Variants in NADK observed in about 807,000 individuals in gnomAD.
The protein encoded by NADK is poly(P)/ATP NAD kinase.
In NADK, 22 loss-of-function variants were observed where a neutral mutation model predicts 49.8. That is an observed-to-expected ratio of 0.44 (90% CI 0.32 to 0.63). NADK has a LOEUF of 0.63. NADK is among the 30% of genes least tolerant of loss of function. The probability of loss-of-function intolerance (pLI) is 0.06; values close to 1 mark genes in which losing one functional copy is unlikely to be tolerated. For missense variants in NADK, 438 were observed against 609.4 expected (o/e 0.72, Z 2.96); for synonymous variants, 268 against 253.7 (o/e 1.06, Z -0.54).
chr1:1,766,655 A>AG (rs1645897267), intron 1 of NADK, among the ~76,000 whole-genome samples: 1 of 151,538 alleles, frequency 6.6e-6, no homozygotes, highest in Non-Finnish European at 1.5e-5. Context: ...TGGTGAGGAT[A>AG]GAAAACCTCA....
chr1:1,760,321 A>AG (rs969044035), intron 3 of NADK, among the ~76,000 whole-genome samples: 6 of 152,290 alleles, frequency 3.9e-5, no homozygotes, highest in African/African-American at 1.4e-4. Flanking sequence ...TTCCATCCTA[A>AG]GGGGCTCCGT....
rs57063985 is a variant in NADK, at chr1:1,773,676, T to TTG, written c.-41+4611_-41+4612dup. On this transcript the variant is annotated intron_variant, in intron 1 of 11. Coordinates refer to ENST00000341426, the MANE Select transcript of NADK (RefSeq NM_023018.5). ...TGCTACATTACCTAGAAGCTCTATTTTGTGTGTGTGTGTGTGTGTGTGTGT... is the reference window on the plus strand; with the variant it reads ...TGCTACATTACCTAGAAGCTCTATTTTGTGTGTGTGTGTGTGTGTGTGTGTGT... Among the ~76,000 whole-genome samples, 850 of 116,708 alleles carry TTG rather than the reference T, an allele frequency of 7.3e-3. 13 individuals are homozygous for TTG. The highest frequency in any genetic ancestry group is 0.018 in the East Asian group (66 of 3,630). 76.6% of individuals were successfully genotyped at this position (116,708 alleles called of 152,430 possible).
intron 6 of NADK, chr1:1,755,906 A>ACAG: frequency 4.3e-6 from 2 of 466,056 alleles, no homozygotes; most frequent in South Asian, 5.1e-5. Context: ...GCGTGGCCCT[A>ACAG]CAGCCCCAGG....
rs1219946488 is a variant in NADK at position 1,760,044 on chromosome 1, C to T, written c.263+1908G>A. 1.0e-5 allele frequency: 9 copies of T among 894,230 alleles called. No individual in the cohort carries two copies. The East Asian group carries it at 1.1e-4, about 11-fold the overall frequency. 55.4% of individuals were successfully genotyped at this position (894,230 alleles called of 1,614,324 possible). ...GCAGTGGAGCACTCTGGGTCACCCACGTGGCTGCTGTGCAGGGAAGGGATG... is the reference window on the plus strand; with the variant it reads ...GCAGTGGAGCACTCTGGGTCACCCATGTGGCTGCTGTGCAGGGAAGGGATG... On this transcript the variant is annotated intron_variant, in intron 3 of 11. Transcript: ENST00000341426.
intron 1 of NADK, among the ~76,000 whole-genome samples, chr1:1,766,195 C>G (rs754318516): frequency 6.6e-6 from 1 of 151,770 alleles, no homozygotes; most frequent in Non-Finnish European, 1.5e-5. Context: ...CACCTGAGGT[C>G]GGGAGTTTGA....
intron 1 of NADK, among the ~76,000 whole-genome samples, chr1:1,769,554 A>AAAAAAAC (rs1257121676): frequency 5.9e-5 from 9 of 151,982 alleles, no homozygotes; most frequent in Non-Finnish European, 1.0e-4. Flanking sequence ...CCGTCTCAAA[A>AAAAAAAC]AAAAAACAAA....
chr1:1,758,991 C>G (rs1180399322), intron 3 of NADK: 2 of 1,353,750 alleles, frequency 1.5e-6, no homozygotes, highest in East Asian at 5.4e-5. Context: ...CTGCTTGGCT[C>G]CGGCCCAAGG....
chr1:1,759,291 C>CT, intron 3 of NADK: 1 of 1,505,492 alleles, frequency 6.6e-7, no homozygotes, highest in Non-Finnish European at 8.9e-7. Flanking sequence ...GCTGTGGGTA[C>CT]TGCACGGAGA....
chr1:1,753,952 C>T, intron 10 of NADK, 99 bp downstream of exon 10: 1 of 1,440,694 alleles, frequency 6.9e-7, no homozygotes, highest in Non-Finnish European at 9.3e-7. Flanking sequence ...GCGTCTGAGG[C>T]TGGAGCCAGC....
At chr1:1,760,619 C>T (rs2100319943) in intron 3 of NADK, among the ~76,000 whole-genome samples, 1 of 152,230 alleles carries the variant, frequency 6.6e-6, no homozygotes, top group East Asian at 1.9e-4. Context: ...ACACTCGGCC[C>T]TTCCGCATGG....
At chr1:1,762,132 T>A (rs189064763) in intron 2 of NADK, 97 bp from the exon 3 acceptor site, 30 of 1,052,682 alleles carry the variant, frequency 2.8e-5, no homozygotes, top group Non-Finnish European at 4.3e-5. Context: ...AAGGCATACA[T>A]GCAATTTGAA....
chr1:1,758,409 C>T (rs759462884), intron 3 of NADK: 12 of 1,611,722 alleles, frequency 7.4e-6, no homozygotes, highest in South Asian at 2.2e-5. Context: ...TCATGCCATC[C>T]CCTATGAGCT....
chr1:1,760,011 C>T, intron 3 of NADK: 1 of 1,240,790 alleles, frequency 8.1e-7, no homozygotes, highest in South Asian at 1.4e-5. Context: ...CACGGCGGGG[C>T]CGGGAGGGCA....
At chr1:1,758,987 G>T (rs903208259) in intron 3 of NADK, 16 of 1,324,982 alleles carry the variant, frequency 1.2e-5, no homozygotes, top group African/African-American at 1.5e-5. Context: ...CACTCTGCTT[G>T]GCTCCGGCCC....
chr1:1,760,635 C>T (rs555393425), intron 3 of NADK, among the ~76,000 whole-genome samples: 1 of 152,132 alleles, frequency 6.6e-6, no homozygotes, highest in African/African-American at 2.4e-5. Flanking sequence ...CATGGTCCTC[C>T]CTTGCAGAAA....
intron 3 of NADK, among the ~76,000 whole-genome samples, chr1:1,761,331 G>A (rs1366008213): frequency 6.6e-6 from 1 of 152,092 alleles, no homozygotes. Context: ...TCACCATGTT[G>A]CCCGGGCTGG....
chr1:1,758,575 T>C (rs765766156), intron 3 of NADK: 2 of 1,523,582 alleles, frequency 1.3e-6, no homozygotes, highest in Middle Eastern at 1.8e-4. Context: ...GCCTAAGCTC[T>C]TCATACTCAA....
intron 4 of NADK, chr1:1,756,920 G>A (rs1342654960): frequency 4.9e-6 from 4 of 811,190 alleles, no homozygotes; most frequent in Non-Finnish European, 6.6e-6. Flanking sequence ...CACGTCAGAT[G>A]TGGCCCCTTG....
intron 1 of NADK, among the ~76,000 whole-genome samples, chr1:1,768,459 G>GCAAGAGGAT (rs1483001477): frequency 6.6e-6 from 1 of 152,152 alleles, no homozygotes; most frequent in Non-Finnish European, 1.5e-5. Context: ...GGAGGCTCCG[G>GCAAGAGGAT]CAAGAGGATC....
Sources: gnomAD v4.1 joint callset for allele counts (sites outside exome capture counted in the v4.1 genomes callset) on GRCh38, gnomAD v4.1.1 for gene constraint, MANE v1.5 for transcripts, NCBI Gene and HGNC (gene_info 2026-07-23, HGNC 2026-07-21) for gene names.